SPINK13: variants seen among roughly 807,000 people sequenced by gnomAD.
SPINK13 encodes serine protease inhibitor Kazal-type 13.
Under a neutral mutation model 11.0 loss-of-function variants are expected in SPINK13, and 11 were observed. That is an observed-to-expected ratio of 1.00 (90% CI 0.63 to 1.65). The LOEUF is 1.65. Among genes scored for constraint, SPINK13 ranks in the 40% most tolerant of loss-of-function variants. SPINK13 has a pLI of 0.00. For missense variants in SPINK13, 113 were observed against 117.7 expected (o/e 0.96, Z 0.19); for synonymous variants, 31 against 35.6 (o/e 0.87, Z 0.46).
chr5:148,274,496 C>A, intron 3 of SPINK13, 112 bp downstream of exon 3: 1 of 850,062 alleles, frequency 1.2e-6, no homozygotes, highest in South Asian at 1.9e-5. Context: ...GCCTGTAATT[C>A]CAGAACTTAG....
At chr5:148,281,145 G>A (rs985154325) in intron 3 of SPINK13, among the ~76,000 whole-genome samples, 22 of 152,160 alleles carry the variant, frequency 1.4e-4, no homozygotes, top group Non-Finnish European at 2.9e-5. Context: ...CACCAAGCTT[G>A]AGTGTCCCAG....
Position 148,286,052 on chromosome 5 carries a change from G to C in SPINK13, c.*4G>C. On this transcript the variant is annotated 3_prime_UTR_variant, in exon 5 of 5. Transcript: ENST00000398450. ...AAAATATGGAAAATGTGATTAATGG[G>C]TACCAGAGTAACTACACTTGCTTAT... 8.4e-6 allele frequency: 12 copies of C among 1,436,656 alleles called. No homozygotes were observed. Among genetic ancestry groups the C allele is most frequent in the Non-Finnish European group, 1.1e-5 (12 of 1,049,456 alleles). The allele number at this position is 1,436,656 out of a possible 1,614,324, so 89.0% of individuals were successfully genotyped here.
At chr5:148,270,350 C>T (rs1464245298) in intron 2 of SPINK13, among the ~76,000 whole-genome samples, 5 of 152,124 alleles carry the variant, frequency 3.3e-5, no homozygotes, top group Non-Finnish European at 7.4e-5. Flanking sequence ...CGTGTCTATT[C>T]TGTCAATTCA....
intron 3 of SPINK13, among the ~76,000 whole-genome samples, chr5:148,275,456 G>GT (rs879379141): frequency 2.6e-5 from 4 of 152,246 alleles, no homozygotes; most frequent in South Asian, 2.1e-4. Flanking sequence ...GTGTGCATGT[G>GT]TTTTTTATAA....
intron 3 of SPINK13, among the ~76,000 whole-genome samples, chr5:148,275,666 CTTTTTTTTT>C (rs768312591): frequency 9.1e-5 from 13 of 142,350 alleles, no homozygotes; most frequent in Admixed American, 2.1e-4. Context: ...GACTTTTTTT[CTTTTTTTTT>C]TTTTTGACGG....
Position 148,270,056 on chromosome 5 carries a change from G to C in SPINK13, c.-17G>C. On this transcript the variant is annotated 5_prime_UTR_variant, in exon 2 of 5. Coordinates refer to ENST00000398450, the MANE Select transcript of SPINK13 (RefSeq NM_001040129.3). ...TGTTCACAGGCCTTATCAAAGAAGA[G>C]TCTTATATGAGATCAAATGGCTGCC... 6.2e-7 allele frequency: 1 copy of C among 1,613,610 alleles called. No homozygotes were observed. Among genetic ancestry groups the C allele is most frequent in the Non-Finnish European group, 8.5e-7 (1 of 1,179,648 alleles).
intron 4 of SPINK13, among the ~76,000 whole-genome samples, chr5:148,285,304 G>A (rs956076047): frequency 1.3e-5 from 2 of 152,092 alleles, no homozygotes; most frequent in Non-Finnish European, 2.9e-5. Flanking sequence ...ATATATCAAA[G>A]GTGAACCTGA....
intron 4 of SPINK13, among the ~76,000 whole-genome samples, chr5:148,284,876 T>C (rs756151328): frequency 1.7e-4 from 26 of 152,204 alleles, no homozygotes; most frequent in Non-Finnish European, 3.2e-4. Flanking sequence ...CCTAGCACTC[T>C]GGTAATATAT....
intron 3 of SPINK13, among the ~76,000 whole-genome samples, chr5:148,280,542 C>T (rs1193946967): frequency 2.6e-5 from 4 of 152,194 alleles, no homozygotes; most frequent in Non-Finnish European, 5.9e-5. Context: ...CAGTCAGGCC[C>T]CTCTTCTGCA....
At chr5:148,274,449 T>G (rs1361626300) in intron 3 of SPINK13, 65 bp downstream of exon 3, 1 of 1,369,094 alleles carries the variant, frequency 7.3e-7, no homozygotes, top group Non-Finnish European at 1.0e-6. Flanking sequence ...ACATGAGAGA[T>G]CTAAAACTTC....
intron 3 of SPINK13, among the ~76,000 whole-genome samples, chr5:148,276,197 G>T (rs111269332): frequency 6.6e-6 from 1 of 151,866 alleles, no homozygotes; most frequent in Non-Finnish European, 1.5e-5. Context: ...GATATTAGCC[G>T]TTTGTCAGAT....
chr5:148,284,661 T>C (rs1162564301), intron 4 of SPINK13, among the ~76,000 whole-genome samples: 1 of 152,172 alleles, frequency 6.6e-6, no homozygotes, highest in African/African-American at 2.4e-5. Context: ...TTTTGAACAA[T>C]AGGAGGAGAA....
chr5:148,276,937 CCT>C (rs1347096816), intron 3 of SPINK13, among the ~76,000 whole-genome samples: 8 of 152,082 alleles, frequency 5.3e-5, no homozygotes, highest in Non-Finnish European at 1.2e-4. Flanking sequence ...TTGTTTGTAT[CCT>C]CTCTTATTTC....
At chr5:148,277,823 G>A (rs1756454183) in intron 3 of SPINK13, among the ~76,000 whole-genome samples, 1 of 152,054 alleles carries the variant, frequency 6.6e-6, no homozygotes, top group Admixed American at 6.5e-5. Flanking sequence ...TTTTTCTATT[G>A]CTTGGAATAG....
At chr5:148,270,958 A>C (rs1398038498) in intron 2 of SPINK13, 1 of 152,226 alleles carries the variant, frequency 6.6e-6, no homozygotes, top group African/African-American at 2.4e-5. Context: ...GGAATGCATC[A>C]CTGCTGACAT....
At chr5:148,278,567 T>C (rs1264568015) in intron 3 of SPINK13, among the ~76,000 whole-genome samples, 1 of 152,208 alleles carries the variant, frequency 6.6e-6, no homozygotes, top group Non-Finnish European at 1.5e-5. Context: ...TGTTTCCATG[T>C]AGTTGTGCAG....
At chr5:148,282,269 ACTT>A (rs1756527820) in intron 4 of SPINK13, 38 bp downstream of exon 4, 3 of 1,605,602 alleles carry the variant, frequency 1.9e-6, no homozygotes, top group East Asian at 4.5e-5. Context: ...TTTTCCCTCT[ACTT>A]CTTCACAGAA....
chr5:148,272,761 C>A (rs1756369505), intron 2 of SPINK13, among the ~76,000 whole-genome samples: 1 of 152,022 alleles, frequency 6.6e-6, no homozygotes, highest in African/African-American at 2.4e-5. Context: ...ATGTTTACAC[C>A]AAAATGGGAG....
intron 2 of SPINK13, among the ~76,000 whole-genome samples, chr5:148,273,032 C>A (rs907837565): frequency 2.3e-4 from 35 of 152,048 alleles, no homozygotes; most frequent in African/African-American, 8.5e-4. Context: ...ATGGTATTTC[C>A]ATATAGTTTT....
Sources: gnomAD v4.1 joint callset for allele counts (sites outside exome capture counted in the v4.1 genomes callset) on GRCh38, gnomAD v4.1.1 for gene constraint, MANE v1.5 for transcripts, NCBI Gene and HGNC (gene_info 2026-07-23, HGNC 2026-07-21) for gene names.